The following INTS1 variants were observed in gnomAD, a reference collection of about 807,000 sequenced individuals.
The protein encoded by INTS1 is integrator complex subunit 1.
INTS1 carries 137 observed loss-of-function variants against 241.6 expected under a neutral mutation model. The observed-to-expected ratio is 0.57, with a 90% confidence interval of 0.49 to 0.65. The LOEUF (loss-of-function observed/expected upper bound fraction) is 0.65, where lower values mean the gene tolerates loss of function less well. Among genes scored for constraint, INTS1 ranks in the 30% least tolerant of loss-of-function variants. The pLI, the probability that INTS1 is intolerant of heterozygous loss-of-function variation, is 0.00. For synonymous variants in INTS1, 1,692 were observed against 1,337.8 expected (o/e 1.26, Z -5.78); for missense variants, 3,073 against 3,032.2 (o/e 1.01, Z -0.32).
rs1467131666 is a variant in INTS1 at position 1,482,631 on chromosome 7, C to T, written c.3618G>A (p.Val1206=). 1.9e-5 allele frequency: 30 copies of T among 1,612,872 alleles called. No homozygotes were observed. The highest frequency in any genetic ancestry group is 2.5e-5 in the Non-Finnish European group (29 of 1,179,868). Residue 1206 remains valine, a synonymous_variant, in exon 27 of 48, where the codon GTG becomes GTA. Transcript: ENST00000404767. ...GCAGCAGCGCCTCCTCCGATGTGTC[C>T]ACCAGGAAGGCGGTGGGCAGTGGCT... is the stretch of plus-strand genomic sequence containing the variant. ...EEKPLPTAFL[V]DTSEEALLLP...
intron 29 of INTS1, 109 bp from the exon 30 acceptor site, chr7:1,480,550 G>A: frequency 8.0e-7 from 1 of 1,255,240 alleles, no homozygotes. Flanking sequence ...CACCCAGGAG[G>A]AAGAGCTCAG....
chr7:1,503,341 G>A, intron 2 of INTS1, 150 bp from the exon 3 acceptor site: 1 of 812,614 alleles, frequency 1.2e-6, no homozygotes, highest in South Asian at 1.9e-5. Flanking sequence ...GCCTACAGCA[G>A]AGCTGGGACC....
chr7:1,488,288 C>G (rs1367071207), intron 18 of INTS1, among the ~76,000 whole-genome samples: 1 of 152,204 alleles, frequency 6.6e-6, no homozygotes, highest in African/African-American at 2.4e-5. Context: ...GGAGCATAGC[C>G]TAGTTTGACA....
intron 44 of INTS1, 130 bp from the exon 45 acceptor site, chr7:1,471,771 A>T: frequency 1.2e-6 from 1 of 821,680 alleles, no homozygotes; most frequent in Non-Finnish European, 2.0e-6. Context: ...GCATGAGCCC[A>T]GTGACGCCCC....
At chr7:1,484,538 G>A (rs766132631) in intron 24 of INTS1, among the ~76,000 whole-genome samples, 2 of 152,228 alleles carry the variant, frequency 1.3e-5, no homozygotes, top group Non-Finnish European at 2.9e-5. Flanking sequence ...AAAGTGAGAA[G>A]CAGCCCAGCA....
chr7:1,481,211 GC>G lies in INTS1; in HGVS notation c.3850+130del. 1 of 1,039,792 alleles carries G rather than the reference GC, an allele frequency of 9.6e-7. No individual in the cohort carries two copies. The highest frequency in any genetic ancestry group is 1.4e-6 in the Non-Finnish European group (1 of 691,192). 64.4% of individuals were successfully genotyped at this position (1,039,792 alleles called of 1,614,324 possible). ...CTCACCAACCCACAGGTCTAAGCCT[GC>G]CCTCGAGTGCCACCCACACCCACCC... On this transcript the variant is annotated intron_variant, in intron 28 of 47. Coordinates refer to ENST00000404767, the MANE Select transcript of INTS1 (RefSeq NM_001080453.3). This position sits in a 1 kb window ranked among gnomAD's most constrained non-coding sequence, Gnocchi z 6.8.
Position 1,497,351 on chromosome 7 carries a change from C to G in INTS1, c.1426-37G>C. The G allele has an allele frequency of 1.3e-6, 2 of 1,581,648 alleles. No individual in the cohort carries two copies. Among genetic ancestry groups the G allele is most frequent in the Non-Finnish European group, 1.7e-6 (2 of 1,164,392 alleles). On this transcript the variant is annotated intron_variant, in intron 10 of 47. Coordinates refer to ENST00000404767, the MANE Select transcript of INTS1 (RefSeq NM_001080453.3). This position sits in a 1 kb window ranked among gnomAD's most constrained non-coding sequence, Gnocchi z 5.3. ...AGAGGCCGCGTGGGAGGCTGCCCGA[C>G]AGTGCTGTCCCTGTCACAGGCCCCT...
At chr7:1,495,760 C>T (rs1250032822) in intron 12 of INTS1, among the ~76,000 whole-genome samples, 3 of 152,138 alleles carry the variant, frequency 2.0e-5, no homozygotes, top group South Asian at 2.1e-4. Flanking sequence ...CCTCCTGTTC[C>T]GAGTGACTCG....
rs1456441918 is a variant in INTS1, at chr7:1,487,053, C to T, written c.2695G>A (p.Glu899Lys). Residue 899 changes from glutamate (E) to lysine (K), a missense_variant, in exon 21 of 48, where the codon GAG becomes AAG. Glu to Lys is a moderately conservative substitution (Grantham distance 56). Transcript: ENST00000404767. ...PWLADLVQSSEGSLDVLPVQC... is the reference protein window; with the variant it reads ...PWLADLVQSSKGSLDVLPVQC... ...ACGGGCAGCACGTCCAGGGAGCCCTCGCTGGACTGTACCAGGTCCGCCAGC... is the reference window on the plus strand; with the variant it reads ...ACGGGCAGCACGTCCAGGGAGCCCTTGCTGGACTGTACCAGGTCCGCCAGC... 14 of 1,571,010 alleles carry T rather than the reference C, an allele frequency of 8.9e-6. No homozygotes were observed. Among genetic ancestry groups the T allele is most frequent in the Admixed American group, 1.8e-5 (1 of 54,194 alleles).
At position 1,479,698 on chromosome 7, in the gene INTS1, G is replaced by T; in HGVS notation, c.4075-14C>A. 6.9e-7 allele frequency: 1 copy of T among 1,457,760 alleles called. No homozygotes were observed. The allele number at this position is 1,457,760 out of a possible 1,614,324, so 90.3% of individuals were successfully genotyped here. ...GAGCGGGAAAATCTGGAACGGGGAAGGCCAGTGTCAGGAGGAAGCGGAGGA... is the reference window on the plus strand; with the variant it reads ...GAGCGGGAAAATCTGGAACGGGGAATGCCAGTGTCAGGAGGAAGCGGAGGA... On this transcript the variant is annotated splice_polypyrimidine_tract_variant and intron_variant, in intron 30 of 47. Coordinates refer to ENST00000404767, the MANE Select transcript of INTS1 (RefSeq NM_001080453.3).
chr7:1,487,718 T>C, intron 19 of INTS1, 42 bp downstream of exon 19: 1 of 1,595,624 alleles, frequency 6.3e-7, no homozygotes, highest in Middle Eastern at 1.8e-4. Flanking sequence ...CACCCACAGG[T>C]CCCGACGGCA....
rs765872070 is a variant in INTS1 at position 1,476,653 on chromosome 7, C to T, written c.5068G>A (p.Asp1690Asn). The T allele has an allele frequency of 2.5e-6, 4 of 1,612,682 alleles. No homozygotes were observed. Among genetic ancestry groups the T allele is most frequent in the South Asian group, 2.2e-5 (2 of 91,078 alleles). ...LLGKSREQRFDPSASLDFLWA... is the reference protein window; with the variant it reads ...LLGKSREQRFNPSASLDFLWA... ...AGGAAGTCCAGAGAGGCAGAGGGGT[C>T]GAACCTGTGGGGAGGCAAAGGTTCC... Residue 1690 changes from aspartate (D) to asparagine (N), a missense_variant, in exon 37 of 48, where the codon GAC becomes AAC. Asp to Asn is a conservative substitution (Grantham distance 23, BLOSUM62 1). Transcript: ENST00000404767.
At chr7:1,499,391 G>GCCAA in intron 6 of INTS1, 31 bp from the exon 7 acceptor site, 1 of 1,551,154 alleles carries the variant, frequency 6.4e-7, no homozygotes, top group East Asian at 2.3e-5. Context: ...TCCATGCAGC[G>GCCAA]CCTCCCACCC....
Position 1,504,308 on chromosome 7 carries a change from C to T in INTS1, c.-42+15G>A. On this transcript the variant is annotated intron_variant, in intron 1 of 47. Coordinates refer to ENST00000404767, the MANE Select transcript of INTS1 (RefSeq NM_001080453.3). ...GCCCGGCAATGAGGAAGCGCCCAGG[C>T]CGCGGCTCACTTACCTCTGGCCCAT... 1.9e-6 allele frequency: 1 copy of T among 537,790 alleles called. No individual in the cohort carries two copies. The highest frequency in any genetic ancestry group is 1.6e-5 in the South Asian group (1 of 63,386). 33.3% of individuals were successfully genotyped at this position (537,790 alleles called of 1,614,324 possible). A position where few individuals can be genotyped will look rare whatever the true frequency, so the allele number is the denominator to read the frequency against.
At chr7:1,475,312 G>T (rs1453508032) in intron 39 of INTS1, among the ~76,000 whole-genome samples, 3 of 152,114 alleles carry the variant, frequency 2.0e-5, no homozygotes, top group Non-Finnish European at 4.4e-5. Flanking sequence ...TTGAGCACAG[G>T]GGGTTGAGGC....
At chr7:1,471,873 C>T (rs1781483198) in intron 44 of INTS1, 1 of 590,184 alleles carries the variant, frequency 1.7e-6, no homozygotes, top group African/African-American at 1.9e-5. Context: ...ACGGCAGCCC[C>T]ATATCCAGGG....
At chr7:1,486,241 A>G (rs181412180) in intron 22 of INTS1, among the ~76,000 whole-genome samples, 7 of 147,606 alleles carry the variant, frequency 4.7e-5, no homozygotes, top group African/African-American at 1.7e-4. Context: ...AGGCCTACTC[A>G]TTTTACTTCT....
chr7:1,474,388 C>A, intron 40 of INTS1, 28 bp from the exon 41 acceptor site: 2 of 1,552,616 alleles, frequency 1.3e-6, no homozygotes. Flanking sequence ...GCCCAGTCAG[C>A]CCCGGCCGGC....
chr7:1,495,665 A>G, intron 12 of INTS1, 112 bp from the exon 13 acceptor site: 2 of 1,376,602 alleles, frequency 1.5e-6, no homozygotes, highest in Admixed American at 2.3e-5. Context: ...AACTCAGGGC[A>G]CCCCCAGCTT....
Sources: gnomAD v4.1 joint callset for allele counts (sites outside exome capture counted in the v4.1 genomes callset) on GRCh38, gnomAD v4.1.1 for gene constraint, Gnocchi (gnomAD v3.1) non-coding constraint, MANE v1.5 for transcripts, NCBI Gene and HGNC (gene_info 2026-07-23, HGNC 2026-07-21) for gene names.